SFPQ: variants seen among roughly 807,000 people sequenced by gnomAD.
SFPQ encodes the protein splicing factor proline and glutamine rich, also known as splicing factor, proline- and glutamine-rich.
A neutral mutation model predicts 72.9 loss-of-function variants in SFPQ; 11 were observed. The ratio of observed to expected loss-of-function variants is 0.15; its 90% CI spans 0.09 to 0.25. The LOEUF is 0.25. Ranked by LOEUF, SFPQ falls within the 10% of genes least tolerant of loss-of-function variation. The pLI is 1.00. For missense variants in SFPQ, 847 were observed against 993.3 expected (o/e 0.85, Z 1.98); for synonymous variants, 506 against 367.3 (o/e 1.38, Z -4.32).
At chr1:35,178,074 G>C (rs1464000831), downstream of SFPQ, 22 of 1,259,994 alleles carry the variant, frequency 1.7e-5, no homozygotes, top group Non-Finnish European at 2.2e-5. Context: ...TAAAAGACAA[G>C]GGTATAAAAT....
Position 35,183,278 on chromosome 1 carries a change from T to A in SFPQ, c.*1178A>T. ...CTCTGTTGTCCAGGCTGGAGTGCAG[T>A]GGCAGTCTCAGCTCACTGCAACCTC... On this transcript the variant is annotated 3_prime_UTR_variant, in exon 10 of 10. Coordinates refer to ENST00000357214, the MANE Select transcript of SFPQ (RefSeq NM_005066.3). The A allele has an allele frequency of 1.6e-6, 1 of 617,066 alleles. No homozygotes were observed. The highest frequency in any genetic ancestry group is 2.1e-6 in the Non-Finnish European group (1 of 486,166). 38.2% of individuals were successfully genotyped at this position (617,066 alleles called of 1,614,324 possible).
At chr1:35,182,735 A>T, downstream of SFPQ, 1 of 985,470 alleles carries the variant, frequency 1.0e-6, no homozygotes, top group Non-Finnish European at 1.2e-6. Context: ...ATTTGAATGG[A>T]ACGTAACTCA....
Position 35,191,391 on chromosome 1 carries a change from G to C in SFPQ, c.967C>G (p.Pro323Ala). ...FKRLFAKYGE[P>A]GEVFINKGKG... ...CCTTTGTTGATAAAAACTTCTCCTG[G>C]TTCTCCATATTTAGCAAATAGTCTT... Residue 323 changes from proline to alanine, a missense_variant, in exon 2 of 10, where the codon CCA (proline) becomes GCA (alanine). Pro to Ala is a conservative substitution (Grantham distance 27, BLOSUM62 -1). This residue lies in a region of SFPQ where 35 missense variants were observed against 52.9 expected (regional missense o/e 0.66). Coordinates refer to ENST00000357214, the MANE Select transcript of SFPQ (RefSeq NM_005066.3). 1 of 1,613,978 alleles carries C rather than the reference G, an allele frequency of 6.2e-7. No homozygotes were observed. Among genetic ancestry groups the C allele is most frequent in the Non-Finnish European group, 8.5e-7 (1 of 1,179,936 alleles).
downstream of SFPQ, chr1:35,178,767 T>C (rs1570103788): frequency 2.8e-6 from 3 of 1,054,398 alleles, no homozygotes; most frequent in African/African-American, 3.3e-5. Context: ...GCAAAGGGTA[T>C]ATGAAGTAAG....
chr1:35,178,571 A>G, downstream of SFPQ: 2 of 1,058,862 alleles, frequency 1.9e-6, no homozygotes, highest in Non-Finnish European at 2.3e-6. Context: ...TTTCCCATCT[A>G]AGTCCTCACT....
intron 9 of SFPQ, among the ~76,000 whole-genome samples, chr1:35,186,105 G>A (rs1356297224): frequency 6.6e-6 from 1 of 152,088 alleles, no homozygotes. Context: ...AACAGGTGAG[G>A]CCTTATACAA....
At chr1:35,190,186 G>C (rs949985250) in intron 4 of SFPQ, among the ~76,000 whole-genome samples, 2 of 152,162 alleles carry the variant, frequency 1.3e-5, no homozygotes, top group African/African-American at 4.8e-5. Flanking sequence ...CTTGAACCTG[G>C]GAGGCAGAGG....
At chr1:35,182,000 CAGG>C (rs1003908010), downstream of SFPQ, 29 of 985,276 alleles carry the variant, frequency 2.9e-5, no homozygotes, top group Admixed American at 1.8e-4. Context: ...CCACAACTTT[CAGG>C]AGATTATCCA....
chr1:35,178,061 A>G (rs746394561), downstream of SFPQ: 2 of 1,280,790 alleles, frequency 1.6e-6, no homozygotes, highest in South Asian at 2.8e-5. Context: ...GAAAAAGTTA[A>G]TATAAAAGAC....
chr1:35,186,076 A>G (rs999600199), intron 9 of SFPQ, among the ~76,000 whole-genome samples: 8 of 151,538 alleles, frequency 5.3e-5, no homozygotes, highest in African/African-American at 1.7e-4. Context: ...AATTCCCAAA[A>G]AGTCTTAGGT....
At chr1:35,181,290 T>A, downstream of SFPQ, 1 of 1,065,668 alleles carries the variant, frequency 9.4e-7, no homozygotes, top group Non-Finnish European at 1.1e-6. Context: ...ACTTTAATAG[T>A]GCATAATTGC....
Position 35,183,658 on chromosome 1 carries a change from T to C in SFPQ, c.*798A>G. The C allele has an allele frequency of 1.9e-6, 2 of 1,038,278 alleles. No homozygotes were observed. The highest frequency in any genetic ancestry group is 2.3e-6 in the Non-Finnish European group (2 of 861,916). The allele number at this position is 1,038,278 out of a possible 1,614,324, so 64.3% of individuals were successfully genotyped here. On this transcript the variant is annotated 3_prime_UTR_variant, in exon 10 of 10. Coordinates refer to ENST00000357214, the MANE Select transcript of SFPQ (RefSeq NM_005066.3). ...GTTCAATACAAGCCATTTATAGGGC[T>C]TGAGATTTGTTGGTCTTTTAAAAAC...
chr1:35,189,448 G>A (rs746520297), intron 4 of SFPQ, 66 bp from the exon 5 acceptor site: 3 of 1,257,454 alleles, frequency 2.4e-6, no homozygotes, highest in Non-Finnish European at 3.3e-6. Context: ...ACTTGCCCTA[G>A]TACTGATCTT....
At chr1:35,179,596 A>T (rs1425935781), downstream of SFPQ, 1 of 1,053,726 alleles carries the variant, frequency 9.5e-7, no homozygotes, top group Non-Finnish European at 1.1e-6. Flanking sequence ...CTGCACTAAG[A>T]TTCACAATTC....
chr1:35,179,456 C>T (rs1414406134), downstream of SFPQ: 32 of 1,055,852 alleles, frequency 3.0e-5, no homozygotes, highest in Admixed American at 7.6e-4. Flanking sequence ...ACCTCTGAAC[C>T]CAAGACTGTT....
At position 35,184,507 on chromosome 1, in the gene SFPQ, A is replaced by G. The variant is rs1299647282; in HGVS notation, c.2073T>C (p.Tyr691=). ...RGMGPGTPAG[Y]GRGREEYEGP... Reference sequence around the variant, plus strand: ...CTTCGTACTCTTCTCTCCCTCTACCATATCCTGCTGGAGTTCCAGGCCCCA... The same window carrying G: ...CTTCGTACTCTTCTCTCCCTCTACCGTATCCTGCTGGAGTTCCAGGCCCCA... The change falls in exon 10 of 10, where the codon TAT becomes TAC. Residue 691 remains tyrosine, a synonymous_variant. Transcript: ENST00000357214. 1.9e-6 allele frequency: 3 copies of G among 1,613,110 alleles called. No homozygotes were observed. The highest frequency in any genetic ancestry group is 1.1e-5 in the South Asian group (1 of 90,932).
Position 35,192,273 on chromosome 1 carries a change from G to GCGGC in SFPQ, c.776_777insGCCG (p.Gly262AlafsTer19), listed in dbSNP as rs1557815458. ...TGCGGCCGCCGGGCCCGCCGGGCGG[G>GCGGC]GGCCCCTGGTGATGCTGCTGGTGGT... On this transcript the variant is annotated frameshift_variant, in exon 1 of 10. Coordinates refer to ENST00000357214, the MANE Select transcript of SFPQ (RefSeq NM_005066.3). LOFTEE classifies it high-confidence loss of function. 4.1e-6 allele frequency: 6 copies of GCGGC among 1,462,082 alleles called. No individual in the cohort carries two copies. In the South Asian group the frequency reaches 5.2e-5, roughly 13 times the overall value. 90.6% of individuals were successfully genotyped at this position (1,462,082 alleles called of 1,614,324 possible). A position where few individuals can be genotyped will look rare whatever the true frequency, so the allele number is the denominator to read the frequency against.
At chr1:35,190,404 T>G in intron 4 of SFPQ, 94 bp downstream of exon 4, 1 of 792,462 alleles carries the variant, frequency 1.3e-6, no homozygotes, top group South Asian at 1.7e-5. Context: ...ATCAAATAAT[T>G]TTGCATATTT....
chr1:35,185,810 A>ACC (rs1639686123), intron 9 of SFPQ, among the ~76,000 whole-genome samples: 1 of 151,736 alleles, frequency 6.6e-6, no homozygotes, highest in South Asian at 2.1e-4. Context: ...TAAGAACTTA[A>ACC]AAAAAAGAAA....
Sources: allele counts gnomAD v4.1 joint callset (sites outside exome capture counted in the v4.1 genomes callset), GRCh38; gene constraint gnomAD v4.1.1; regional missense constraint gnomAD v4.1.1; transcripts MANE v1.5; gene names NCBI Gene and HGNC (gene_info 2026-07-23, HGNC 2026-07-21).